RAB38: variants seen among roughly 807,000 people sequenced by gnomAD.
The protein encoded by RAB38 is ras-related protein Rab-38.
In RAB38, 15 loss-of-function variants were observed where a neutral mutation model predicts 18.4. The observed-to-expected ratio is 0.82, with a 90% CI of 0.55 to 1.26. RAB38 has a LOEUF of 1.26. RAB38 is among the 50% of genes most tolerant of loss of function. The pLI is 0.00. For missense variants in RAB38, 294 were observed against 267.4 expected (o/e 1.10, Z -0.69); for synonymous variants, 101 against 104.4 (o/e 0.97, Z 0.20).
the RAB38 span, among the ~76,000 whole-genome samples, chr11:88,074,457 T>C: frequency 6.6e-6 from 1 of 152,198 alleles, no homozygotes; most frequent in Non-Finnish European, 1.5e-5. Context: ...TTCTTTCTGA[T>C]CTAAAATAAG....
At chr11:87,904,037 A>T in the RAB38 span, among the ~76,000 whole-genome samples, 2 of 150,860 alleles carry the variant, frequency 1.3e-5, no homozygotes. Context: ...TTGTGGTTTT[A>T]TTTTTATTAT....
At chr11:88,028,659 C>T in the RAB38 span, among the ~76,000 whole-genome samples, 11 of 151,422 alleles carry the variant, frequency 7.3e-5, no homozygotes, top group South Asian at 4.2e-4. Context: ...TGAAATGAAG[C>T]GAGAGGAGAA....
At chr11:88,083,274 A>G in the RAB38 span, among the ~76,000 whole-genome samples, 18 of 152,008 alleles carry the variant, frequency 1.2e-4, no homozygotes, top group Admixed American at 3.3e-4. Flanking sequence ...CGAATCTGAG[A>G]TAACATATAT....
chr11:88,053,373 TATATATATATACACACACATATATATGGA>T, the RAB38 span, among the ~76,000 whole-genome samples: 2 of 41,666 alleles, frequency 4.8e-5, no homozygotes, highest in Non-Finnish European at 6.3e-5. Context: ...ATATATGGAA[TATATATATATACACACACATATATATGGA>T]ATATATATAT....
At chr11:88,021,797 C>A in the RAB38 span, among the ~76,000 whole-genome samples, 1 of 142,824 alleles carries the variant, frequency 7.0e-6, no homozygotes, top group African/African-American at 2.6e-5. Flanking sequence ...GAGGTTGCAG[C>A]GAGCTGAGAT....
At chr11:88,029,735 C>A in the RAB38 span, among the ~76,000 whole-genome samples, 2 of 152,012 alleles carry the variant, frequency 1.3e-5, no homozygotes, top group African/African-American at 4.8e-5. Flanking sequence ...TAAAGCAAGT[C>A]CTGAGTGACC....
the RAB38 span, among the ~76,000 whole-genome samples, chr11:87,869,305 C>A: frequency 1.4e-5 from 2 of 138,596 alleles, no homozygotes; most frequent in African/African-American, 6.3e-5. Flanking sequence ...CTTCCTAACA[C>A]TCATGTGGTG....
chr11:88,154,587 G>T (rs574672343), intron 1 of RAB38, among the ~76,000 whole-genome samples: 32 of 152,202 alleles, frequency 2.1e-4, no homozygotes, highest in Admixed American at 6.5e-4. Flanking sequence ...CCACTTGCCT[G>T]GACCAGCAGC....
the RAB38 span, among the ~76,000 whole-genome samples, chr11:87,842,465 C>T: frequency 6.6e-6 from 1 of 152,138 alleles, no homozygotes; most frequent in East Asian, 1.9e-4. Context: ...CTGAAGGTGC[C>T]TCTTGCGCAG....
At chr11:87,808,208 A>G in the RAB38 span, among the ~76,000 whole-genome samples, 1 of 152,216 alleles carries the variant, frequency 6.6e-6, no homozygotes, top group Non-Finnish European at 1.5e-5. Flanking sequence ...ACTATTGGGT[A>G]TATATCCAAA....
the RAB38 span, chr11:87,816,552 T>C: frequency 2.1e-4 from 32 of 152,118 alleles, no homozygotes; most frequent in Non-Finnish European, 4.1e-4. Context: ...GATCAGGTGG[T>C]AATATATATG....
chr11:87,933,725 C>T, the RAB38 span, among the ~76,000 whole-genome samples: 3 of 151,714 alleles, frequency 2.0e-5, no homozygotes, highest in South Asian at 2.1e-4. Context: ...AAAAAAAATT[C>T]CCTTTAGCAT....
chr11:88,046,970 C>T, the RAB38 span, among the ~76,000 whole-genome samples: 2 of 152,134 alleles, frequency 1.3e-5, no homozygotes, highest in Non-Finnish European at 2.9e-5. Context: ...AGGACTGGGA[C>T]CATGCCCTGT....
the RAB38 span, among the ~76,000 whole-genome samples, chr11:87,946,361 C>T: frequency 2.6e-5 from 4 of 152,038 alleles, no homozygotes; most frequent in Admixed American, 2.6e-4. Flanking sequence ...ATTTGAAAAC[C>T]ATTAGAGGCT....
At chr11:88,077,142 G>A in the RAB38 span, among the ~76,000 whole-genome samples, 2 of 151,622 alleles carry the variant, frequency 1.3e-5, no homozygotes, top group Non-Finnish European at 2.9e-5. Context: ...AGAAATTGAA[G>A]AGGACACAAA....
At chr11:87,953,373 A>C in the RAB38 span, among the ~76,000 whole-genome samples, 1 of 151,752 alleles carries the variant, frequency 6.6e-6, no homozygotes, top group Non-Finnish European at 1.5e-5. Flanking sequence ...TAGTCATAAA[A>C]CAAGTGCCTG....
chr11:88,016,990 T>C, the RAB38 span, among the ~76,000 whole-genome samples: 1 of 151,994 alleles, frequency 6.6e-6, no homozygotes, highest in Non-Finnish European at 1.5e-5. Flanking sequence ...TAAATGTTAA[T>C]AGGGAAAGAT....
the RAB38 span, among the ~76,000 whole-genome samples, chr11:87,913,121 T>C: frequency 6.6e-6 from 1 of 152,074 alleles, no homozygotes; most frequent in Non-Finnish European, 1.5e-5. Context: ...CAGTCTAACT[T>C]GGTAAATGTT....
At chr11:87,959,890 C>A in the RAB38 span, among the ~76,000 whole-genome samples, 1 of 152,096 alleles carries the variant, frequency 6.6e-6, no homozygotes, top group East Asian at 1.9e-4. Context: ...CAAACTTACT[C>A]TGGGCTACCT....
Sources: gnomAD v4.1 joint callset for allele counts (sites outside exome capture counted in the v4.1 genomes callset) on GRCh38, gnomAD v4.1.1 for gene constraint, MANE v1.5 for transcripts, NCBI Gene and HGNC (gene_info 2026-07-23, HGNC 2026-07-21) for gene names.